The following ADCY5 variants were observed in gnomAD, a reference collection of about 807,000 sequenced individuals.
ADCY5 encodes the protein adenylate cyclase 5, also known as adenylate cyclase type 5.
In ADCY5, 30 loss-of-function variants were observed where a neutral mutation model predicts 119.7. The observed-to-expected ratio is 0.25, with a 90% CI of 0.19 to 0.34. The LOEUF is 0.34. ADCY5 is among the 10% of genes least tolerant of loss of function. The pLI is 1.00. For missense variants in ADCY5, 1,324 were observed against 1,775.2 expected (o/e 0.75, Z 4.57); for synonymous variants, 753 against 762.2 (o/e 0.99, Z 0.20).
chr3:123,356,214 A>C lies in ADCY5; in HGVS notation c.1135-3633T>G, dbSNP rs545327618. ...AAAACCCTTAGAAGAAAACATAGGG[A>C]TAAATCTTTATAACCTTGGATTAGG... On this transcript the variant is annotated intron_variant, in intron 1 of 20. Coordinates refer to ENST00000462833, the MANE Select transcript of ADCY5 (RefSeq NM_183357.3). Among the ~76,000 whole-genome samples, 74 of 152,336 alleles carry C rather than the reference A, an allele frequency of 4.9e-4. 1 individual carries two copies. The highest frequency in any genetic ancestry group is 3.4e-3 in the Middle Eastern group (1 of 294).
chr3:123,297,147 T>TGGCA, intron 16 of ADCY5: 2 of 1,402,236 alleles, frequency 1.4e-6, no homozygotes, highest in South Asian at 2.5e-5. Flanking sequence ...CAGATCACCT[T>TGGCA]GGCAGGGATC....
At chr3:123,396,049 AGAGGGAGGGAGGGTGGGAGGGAGAGG>A (rs1944545899) in intron 1 of ADCY5, among the ~76,000 whole-genome samples, 1 of 52,224 alleles carries the variant, frequency 1.9e-5, no homozygotes. Flanking sequence ...AGGGAGGGAG[AGAGGGAGGGAGGGTGGGAGGGAGAGG>A]GAGGGAGGGA....
rs57503913 is a variant in ADCY5 at position 123,439,076 on chromosome 3, C to CTTTTTTTTTTTTTTTTTTTT, written c.1134+8335_1134+8336insAAAAAAAAAAAAAAAAAAAA. On this transcript the variant is annotated intron_variant, in intron 1 of 20. Coordinates refer to ENST00000462833, the MANE Select transcript of ADCY5 (RefSeq NM_183357.3). ...CCCACTGTGCCCAGACCCTAAAGTG[C>CTTTTTTTTTTTTTTTTTTTT]TTTTTTTTTTGAGATGGAGTCTCGC... Among the ~76,000 whole-genome samples, 393 of 64,726 alleles carry CTTTTTTTTTTTTTTTTTTTT rather than the reference C, an allele frequency of 6.1e-3. 105 individuals carry two copies. Among genetic ancestry groups the CTTTTTTTTTTTTTTTTTTTT allele is most frequent in the African/African-American group, 6.4e-3 (99 of 15,424 alleles). 42.5% of individuals were successfully genotyped at this position (64,726 alleles called of 152,430 possible).
chr3:123,417,926 T>C (rs977086892), intron 1 of ADCY5, among the ~76,000 whole-genome samples: 1 of 151,770 alleles, frequency 6.6e-6, no homozygotes, highest in Non-Finnish European at 1.5e-5. Context: ...AAATGCAGAG[T>C]GGGTGGCCTT....
rs1379835654 is a variant in ADCY5 at position 123,445,396 on chromosome 3, G to A, written c.1134+2016C>T. Among the ~76,000 whole-genome samples, 3 of 143,300 alleles carry A rather than the reference G, an allele frequency of 2.1e-5. No homozygotes were observed. The Admixed American group carries it at 2.3e-4, about 11-fold the overall frequency. 94.0% of individuals were successfully genotyped at this position (143,300 alleles called of 152,430 possible). ...GATCTGACTCCAACCCCCCTCAGGA[G>A]AAACCATACCTACAGCTGTAATCAG... On this transcript the variant is annotated intron_variant, in intron 1 of 20. Coordinates refer to ENST00000462833, the MANE Select transcript of ADCY5 (RefSeq NM_183357.3).
chr3:123,411,517 G>T (rs1945046659), intron 1 of ADCY5, among the ~76,000 whole-genome samples: 1 of 152,154 alleles, frequency 6.6e-6, no homozygotes, highest in South Asian at 2.1e-4. Flanking sequence ...TCAGCCTGAG[G>T]GGACAAAGGA....
At position 123,286,394 on chromosome 3, in the gene ADCY5, G is replaced by A. The variant is rs1576518827; in HGVS notation, c.3657+291C>T. 6.6e-6 allele frequency among the ~76,000 whole-genome samples: 1 copy of A among 152,292 alleles called. No individual in the cohort carries two copies. The highest frequency in any genetic ancestry group is 1.9e-4 in the East Asian group (1 of 5,186). On this transcript the variant is annotated intron_variant, in intron 20 of 20. Transcript: ENST00000462833. This position sits in a 1 kb window ranked among gnomAD's most constrained non-coding sequence, Gnocchi z 4.2. The stretch of plus-strand genomic sequence containing the variant: ...CTAGGAGGCACTGGGGCCTGCATGT[G>A]CACTCTCAGCTCGGCCTCTACAATC...
At chr3:123,409,179 T>A (rs1372932826) in intron 1 of ADCY5, among the ~76,000 whole-genome samples, 1 of 152,150 alleles carries the variant, frequency 6.6e-6, no homozygotes, top group African/African-American at 2.4e-5. Flanking sequence ...CTTTATAAAA[T>A]CTGCTCCCCA....
intron 19 of ADCY5, 113 bp downstream of exon 19, chr3:123,289,637 G>C: frequency 7.8e-7 from 1 of 1,281,172 alleles, no homozygotes; most frequent in Non-Finnish European, 1.1e-6. Flanking sequence ...GCTGCCGCCT[G>C]GCCTTCTACC....
chr3:123,421,908 C>T (rs912215390), intron 1 of ADCY5, among the ~76,000 whole-genome samples: 4 of 152,200 alleles, frequency 2.6e-5, no homozygotes, highest in African/African-American at 9.7e-5. Context: ...GGTGTGCTAA[C>T]CACAGCCCTG....
At chr3:123,399,881 G>A (rs142281623) in intron 1 of ADCY5, among the ~76,000 whole-genome samples, 26 of 152,252 alleles carry the variant, frequency 1.7e-4, no homozygotes, top group African/African-American at 5.8e-4. Flanking sequence ...CATGCAAGTC[G>A]GGAATTAATA....
chr3:123,328,828 G>A (rs369091142), intron 5 of ADCY5, 26 bp from the exon 6 acceptor site: 3 of 1,609,928 alleles, frequency 1.9e-6, no homozygotes, highest in Non-Finnish European at 2.5e-6. Flanking sequence ...GAGTAAAGCT[G>A]GGAGAAGGCT....
chr3:123,327,823 G>A (rs946388317), intron 6 of ADCY5, 64 bp from the exon 7 acceptor site: 14 of 1,574,090 alleles, frequency 8.9e-6, no homozygotes, highest in South Asian at 1.1e-5. Flanking sequence ...GTCAGCCCCC[G>A]TGAAAAACCA....
At chr3:123,416,177 C>A in intron 1 of ADCY5, 1 of 1,535,980 alleles carries the variant, frequency 6.5e-7, no homozygotes. Context: ...GTGGCCATGA[C>A]ACTCACCCTC....
chr3:123,356,372 T>C (rs1943037393), intron 1 of ADCY5, among the ~76,000 whole-genome samples: 1 of 152,300 alleles, frequency 6.6e-6, no homozygotes, highest in East Asian at 1.9e-4. Flanking sequence ...ACCCACGGAA[T>C]GGGGAAAATA....
chr3:123,299,994 G>T, intron 15 of ADCY5, 126 bp downstream of exon 15: 1 of 1,058,090 alleles, frequency 9.5e-7, no homozygotes, highest in Non-Finnish European at 1.4e-6. Flanking sequence ...AGATGTCAGG[G>T]CTGGGGAGGA....
chr3:123,293,117 G>A (rs1185448194), intron 17 of ADCY5, among the ~76,000 whole-genome samples: 1 of 152,244 alleles, frequency 6.6e-6, no homozygotes, highest in East Asian at 1.9e-4. Context: ...GGAAGGTTCG[G>A]GGGGCTACAG....
intron 16 of ADCY5, among the ~76,000 whole-genome samples, chr3:123,296,528 A>G (rs1939523987): frequency 6.6e-6 from 1 of 152,184 alleles, no homozygotes; most frequent in African/African-American, 2.4e-5. Flanking sequence ...GCTTTCTAAA[A>G]GGCAGCATGT....
intron 1 of ADCY5, among the ~76,000 whole-genome samples, chr3:123,394,844 C>T (rs1035569470): frequency 3.9e-5 from 6 of 152,104 alleles, no homozygotes; most frequent in Admixed American, 1.3e-4. Flanking sequence ...CAGAAAAGGT[C>T]GCATCAGCAA....
Sources: allele counts gnomAD v4.1 joint callset (sites outside exome capture counted in the v4.1 genomes callset), GRCh38; gene constraint gnomAD v4.1.1; non-coding constraint Gnocchi (gnomAD v3.1); transcripts MANE v1.5; gene names NCBI Gene and HGNC (gene_info 2026-07-23, HGNC 2026-07-21).